The following CAMK2D variants were observed in gnomAD, a reference collection of about 807,000 sequenced individuals.
CAMK2D encodes the protein calcium/calmodulin dependent protein kinase II delta.
Under a neutral mutation model 84.0 loss-of-function variants are expected in CAMK2D, and 37 were observed. That is an observed-to-expected ratio of 0.44 (90% CI 0.34 to 0.58). CAMK2D has a LOEUF of 0.58. Ranked by LOEUF, CAMK2D falls within the 20% of genes least tolerant of loss-of-function variation. The probability of loss-of-function intolerance (pLI) is 0.02; values close to 1 mark genes in which losing one functional copy is unlikely to be tolerated. For missense variants in CAMK2D, 448 were observed against 652.5 expected (o/e 0.69, Z 3.41); for synonymous variants, 202 against 212.5 (o/e 0.95, Z 0.43).
At chr4:113,671,563 C>T (rs2099284490) in intron 2 of CAMK2D, among the ~76,000 whole-genome samples, 1 of 152,202 alleles carries the variant, frequency 6.6e-6, no homozygotes, top group African/African-American at 2.4e-5. Flanking sequence ...GACACTGGAG[C>T]AAGCATGAAC....
At chr4:113,659,953 T>A (rs951461747) in intron 3 of CAMK2D, among the ~76,000 whole-genome samples, 5 of 152,026 alleles carry the variant, frequency 3.3e-5, no homozygotes, top group African/African-American at 1.2e-4. Flanking sequence ...AGTGTTACAA[T>A]TTTTTTTACC....
intron 4 of CAMK2D, among the ~76,000 whole-genome samples, chr4:113,579,052 A>G (rs766937731): frequency 2.0e-4 from 30 of 152,238 alleles, no homozygotes; most frequent in Non-Finnish European, 4.1e-4. Flanking sequence ...AAATCAGGAG[A>G]CAGCCTGAGT....
chr4:113,484,935 A>C (rs1422321975), intron 16 of CAMK2D, among the ~76,000 whole-genome samples: 2 of 152,076 alleles, frequency 1.3e-5, no homozygotes, highest in African/African-American at 4.8e-5. Flanking sequence ...TTTGCCACTA[A>C]CCTTTCTGGA....
intron 4 of CAMK2D, among the ~76,000 whole-genome samples, chr4:113,566,579 T>TACAAGGCCTTTGAGCTCTGGCCC (rs1303568625): frequency 6.6e-6 from 1 of 152,250 alleles, no homozygotes; most frequent in African/African-American, 2.4e-5. Flanking sequence ...CTTTCTGGCC[T>TACAAGGCCTTTGAGCTCTGGCCC]ACAAGGCCTT....
At chr4:113,733,084 T>C (rs1340538231) in intron 2 of CAMK2D, among the ~76,000 whole-genome samples, 2 of 152,054 alleles carry the variant, frequency 1.3e-5, no homozygotes, top group African/African-American at 4.8e-5. Flanking sequence ...AAAGGTGAGG[T>C]AGACTAGTGG....
At chr4:113,750,506 CA>C (rs1454181142) in intron 2 of CAMK2D, among the ~76,000 whole-genome samples, 1 of 152,192 alleles carries the variant, frequency 6.6e-6, no homozygotes, top group Non-Finnish European at 1.5e-5. Flanking sequence ...ACAGCCCTTT[CA>C]CTAACTCTAC....
At chr4:113,519,531 CATATT>C (rs1017665570) in intron 8 of CAMK2D, among the ~76,000 whole-genome samples, 16 of 149,558 alleles carry the variant, frequency 1.1e-4, no homozygotes, top group African/African-American at 3.7e-4. Context: ...AAAAAAAAAA[CATATT>C]ATAGGTGCTA....
At chr4:113,736,032 A>G (rs2099580430) in intron 2 of CAMK2D, among the ~76,000 whole-genome samples, 1 of 151,992 alleles carries the variant, frequency 6.6e-6, no homozygotes. Context: ...ATAGACGGGA[A>G]ATCTTTACAA....
chr4:113,544,146 AC>A (rs1266662486), intron 6 of CAMK2D, among the ~76,000 whole-genome samples: 1 of 152,078 alleles, frequency 6.6e-6, no homozygotes, highest in East Asian at 1.9e-4. Context: ...GGTCAATGCT[AC>A]CTTACTGATT....
intron 4 of CAMK2D, among the ~76,000 whole-genome samples, chr4:113,600,428 T>C (rs2098946907): frequency 1.3e-5 from 2 of 152,178 alleles, no homozygotes; most frequent in African/African-American, 4.8e-5. Context: ...AAACTTTCTG[T>C]ATTTCCACTC....
intron 17 of CAMK2D, among the ~76,000 whole-genome samples, chr4:113,461,265 AATTT>A (rs148212889): frequency 0.079 from 12,084 of 152,146 alleles, 1,564 homozygotes; most frequent in African/African-American, 0.27. Flanking sequence ...TCTTTGGAGA[AATTT>A]ATTTATTCAG....
chr4:113,588,302 A>C (rs1190019791), intron 4 of CAMK2D, among the ~76,000 whole-genome samples: 1 of 152,204 alleles, frequency 6.6e-6, no homozygotes, highest in Admixed American at 6.6e-5. Context: ...GTTTCTAAGA[A>C]AAAGACAAGG....
intron 3 of CAMK2D, among the ~76,000 whole-genome samples, chr4:113,645,353 T>C (rs926428494): frequency 6.6e-6 from 1 of 152,150 alleles, no homozygotes; most frequent in African/African-American, 2.4e-5. Context: ...TTAAATGAAA[T>C]TCAGATTTTA....
chr4:113,749,165 A>C (rs1052648217), intron 2 of CAMK2D, among the ~76,000 whole-genome samples: 1 of 151,294 alleles, frequency 6.6e-6, no homozygotes, highest in African/African-American at 2.4e-5. Flanking sequence ...ATAGAATGTA[A>C]TATATAATAT....
At chr4:113,458,096 A>C (rs193014629) in intron 18 of CAMK2D, among the ~76,000 whole-genome samples, 137 of 152,336 alleles carry the variant, frequency 9.0e-4, no homozygotes, top group Middle Eastern at 3.4e-3. Context: ...GAACAAGCCT[A>C]TGAACTTGTT....
intron 16 of CAMK2D, among the ~76,000 whole-genome samples, chr4:113,494,083 T>A (rs2097888827): frequency 6.6e-6 from 1 of 152,350 alleles, no homozygotes; most frequent in Non-Finnish European, 1.5e-5. Flanking sequence ...TTGCCTTTGG[T>A]TTGAATGTCC....
chr4:113,592,399 C>T (rs887966355), intron 4 of CAMK2D, among the ~76,000 whole-genome samples: 3 of 152,186 alleles, frequency 2.0e-5, no homozygotes, highest in African/African-American at 7.2e-5. Context: ...TCCAAAATGG[C>T]AATTAATACT....
At chr4:113,652,612 A>C (rs1316943013) in intron 3 of CAMK2D, among the ~76,000 whole-genome samples, 1 of 152,106 alleles carries the variant, frequency 6.6e-6, no homozygotes, top group African/African-American at 2.4e-5. Context: ...AGCCCCAACA[A>C]AACAAAGTAC....
At chr4:113,638,456 A>G (rs1239372363) in intron 3 of CAMK2D, among the ~76,000 whole-genome samples, 1 of 152,126 alleles carries the variant, frequency 6.6e-6, no homozygotes, top group African/African-American at 2.4e-5. Context: ...CCCATAGAGA[A>G]TATCTCCCTT....
Sources: allele counts gnomAD v4.1 joint callset (sites outside exome capture counted in the v4.1 genomes callset), GRCh38; gene constraint gnomAD v4.1.1; transcripts MANE v1.5; gene names NCBI Gene and HGNC (gene_info 2026-07-23, HGNC 2026-07-21).